The following CDKAL1 variants were observed in gnomAD, a reference collection of about 807,000 sequenced individuals.
CDKAL1 encodes threonylcarbamoyladenosine tRNA methylthiotransferase.
A neutral mutation model predicts 68.2 loss-of-function variants in CDKAL1; 32 were observed. The observed-to-expected ratio is 0.47, with a 90% CI of 0.35 to 0.63. The LOEUF is 0.63. CDKAL1 is among the 30% of genes least tolerant of loss of function. The pLI, the probability that CDKAL1 is intolerant of heterozygous loss-of-function variation, is 0.00. For missense variants in CDKAL1, 606 were observed against 696.7 expected, an observed-to-expected ratio of 0.87 and a Z score of 1.47; for synonymous variants, 234 against 244.3, an observed-to-expected ratio of 0.96 and a Z score of 0.39.
chr6:20,599,654 G>C (rs1765996730), intron 4 of CDKAL1, among the ~76,000 whole-genome samples: 1 of 152,158 alleles, frequency 6.6e-6, no homozygotes. Context: ...CAAATAAAAA[G>C]GTCGTGTGGT....
chr6:21,217,322 C>T lies in CDKAL1; in HGVS notation c.1549-13526C>T, dbSNP rs181098917. ...TTTTTTTTTTTTTTTGAGTCAGGGT[C>T]TTGCACTGTTGCCCAGGCTGGAGTG... is the stretch of plus-strand genomic sequence containing the variant. On this transcript the variant is annotated intron_variant, in intron 15 of 15. Coordinates refer to ENST00000274695, the MANE Select transcript of CDKAL1 (RefSeq NM_017774.3). 4.9e-3 allele frequency among the ~76,000 whole-genome samples: 704 copies of T among 144,898 alleles called. 1 individual carries two copies. Among genetic ancestry groups the T allele is most frequent in the African/African-American group, 0.017 (662 of 39,790 alleles).
rs114711278 is a variant in CDKAL1 at position 20,568,211 on chromosome 6, G to T, written c.286+19506G>T. ...TTTTTAAATTTTTTGTAGAGACGGA[G>T]TCTTGCCATTTTGCCCAGGCTCTCC... On this transcript the variant is annotated intron_variant, in intron 4 of 15. Transcript: ENST00000274695. Among the ~76,000 whole-genome samples the T allele has an allele frequency of 8.0e-3, 1,224 of 152,074 alleles. 22 individuals carry two copies. Among genetic ancestry groups the T allele is most frequent in the African/African-American group, 0.028 (1,144 of 41,520 alleles).
At chr6:20,579,044 C>T (rs1395767570) in intron 4 of CDKAL1, among the ~76,000 whole-genome samples, 1 of 152,184 alleles carries the variant, frequency 6.6e-6, no homozygotes, top group Non-Finnish European at 1.5e-5. Context: ...GCAGCGCAAT[C>T]TCGGCTCACT....
chr6:20,716,657 G>GTT (rs1341553880), intron 5 of CDKAL1, among the ~76,000 whole-genome samples: 1 of 151,646 alleles, frequency 6.6e-6, no homozygotes, highest in Non-Finnish European at 1.5e-5. Context: ...CAGAAGAGGA[G>GTT]TTTTTCTGTT....
intron 4 of CDKAL1, among the ~76,000 whole-genome samples, chr6:20,640,468 T>G (rs1308347983): frequency 6.6e-6 from 1 of 152,244 alleles, no homozygotes; most frequent in East Asian, 1.9e-4. Context: ...TGTGAGAGTC[T>G]GCCTGTGCTT....
intron 8 of CDKAL1, among the ~76,000 whole-genome samples, chr6:20,784,902 C>T (rs1443450162): frequency 4.6e-5 from 7 of 151,940 alleles, no homozygotes; most frequent in South Asian, 2.1e-4. Context: ...TTAATGTTTA[C>T]AATTTTAAAT....
chr6:20,916,756 CA>C (rs1277442751), intron 9 of CDKAL1, among the ~76,000 whole-genome samples: 1 of 152,158 alleles, frequency 6.6e-6, no homozygotes, highest in Non-Finnish European at 1.5e-5. Flanking sequence ...AAAAGGCTAT[CA>C]CTAAGCATCT....
At chr6:21,162,061 G>T (rs1465392225) in intron 13 of CDKAL1, among the ~76,000 whole-genome samples, 2 of 152,174 alleles carry the variant, frequency 1.3e-5, no homozygotes, top group African/African-American at 2.4e-5. Flanking sequence ...TTGAAACTGT[G>T]TTAGTTGCAG....
intron 13 of CDKAL1, chr6:21,135,577 C>T (rs1775550220): frequency 2.0e-6 from 1 of 512,272 alleles, no homozygotes; most frequent in African/African-American, 2.1e-5. Context: ...AACTACTTTT[C>T]CCCGGTAAAG....
At chr6:21,078,669 A>G (rs1772209383) in intron 12 of CDKAL1, among the ~76,000 whole-genome samples, 1 of 151,908 alleles carries the variant, frequency 6.6e-6, no homozygotes, top group African/African-American at 2.4e-5. Context: ...TTTTATATTC[A>G]TCTCCCCTGC....
chr6:20,849,801 T>C (rs1418433072), intron 9 of CDKAL1, among the ~76,000 whole-genome samples: 1 of 152,172 alleles, frequency 6.6e-6, no homozygotes, highest in African/African-American at 2.4e-5. Flanking sequence ...TACCTTTCAT[T>C]TTCTAAATTT....
At chr6:20,700,295 C>T (rs1400494281) in intron 5 of CDKAL1, among the ~76,000 whole-genome samples, 2 of 149,922 alleles carry the variant, frequency 1.3e-5, no homozygotes, top group African/African-American at 2.5e-5. Context: ...CCGGAGGTTG[C>T]GGTGAGCTGA....
At chr6:21,047,734 A>C (rs1770322576) in intron 11 of CDKAL1, among the ~76,000 whole-genome samples, 1 of 152,340 alleles carries the variant, frequency 6.6e-6, no homozygotes, top group Middle Eastern at 3.4e-3. Flanking sequence ...AGATCATAAC[A>C]GGGACATCAT....
intron 4 of CDKAL1, among the ~76,000 whole-genome samples, chr6:20,595,585 A>G (rs1471838461): frequency 6.6e-6 from 1 of 151,550 alleles, no homozygotes; most frequent in African/African-American, 2.4e-5. Context: ...ACCTTTTTTC[A>G]GGGTTCTTTG....
chr6:20,898,477 T>C (rs1471196149), intron 9 of CDKAL1, among the ~76,000 whole-genome samples: 1 of 150,432 alleles, frequency 6.6e-6, no homozygotes, highest in Non-Finnish European at 1.5e-5. Context: ...AGTGGCCTCC[T>C]GCTTAGGCTT....
At chr6:20,598,459 A>C (rs879732992) in intron 4 of CDKAL1, among the ~76,000 whole-genome samples, 5 of 152,198 alleles carry the variant, frequency 3.3e-5, no homozygotes, top group African/African-American at 1.2e-4. Context: ...GAGAGAATAC[A>C]CTGGACTTTT....
intron 9 of CDKAL1, among the ~76,000 whole-genome samples, chr6:20,925,265 A>G (rs1029390362): frequency 2.7e-4 from 41 of 152,360 alleles, no homozygotes; most frequent in African/African-American, 9.4e-4. Flanking sequence ...ACACTTTTTC[A>G]GACATGATAC....
intron 13 of CDKAL1, among the ~76,000 whole-genome samples, chr6:21,197,173 T>C (rs559170139): frequency 1.3e-5 from 2 of 149,466 alleles, no homozygotes; most frequent in African/African-American, 5.0e-5. Flanking sequence ...AAAAAAATAA[T>C]AATAATAATA....
intron 13 of CDKAL1, among the ~76,000 whole-genome samples, chr6:21,178,039 C>T (rs1225512358): frequency 6.6e-6 from 1 of 152,094 alleles, no homozygotes; most frequent in Non-Finnish European, 1.5e-5. Context: ...CTATCACCCA[C>T]TGATACTTTC....
Sources: gnomAD v4.1 joint callset for allele counts (sites outside exome capture counted in the v4.1 genomes callset) on GRCh38, gnomAD v4.1.1 for gene constraint, MANE v1.5 for transcripts, NCBI Gene and HGNC (gene_info 2026-07-23, HGNC 2026-07-21) for gene names.